The following ESRRG variants were observed in gnomAD, a reference collection of about 807,000 sequenced individuals.
ESRRG encodes the protein estrogen related receptor gamma.
Under a neutral mutation model 44.0 loss-of-function variants are expected in ESRRG, and 13 were observed. The ratio of observed to expected loss-of-function variants is 0.30; its 90% CI spans 0.19 to 0.47. The LOEUF is 0.47. Ranked by LOEUF, ESRRG falls within the 20% of genes least tolerant of loss-of-function variation. The probability of loss-of-function intolerance (pLI) is 1.00; values close to 1 mark genes in which losing one functional copy is unlikely to be tolerated. For synonymous variants in ESRRG, 215 were observed against 214.6 expected (o/e 1.00, Z -0.02); for missense variants, 395 against 580.6 (o/e 0.68, Z 3.29).
At chr1:216,943,016 C>A (rs1196491211) in intron 1 of ESRRG, among the ~76,000 whole-genome samples, 2 of 151,108 alleles carry the variant, frequency 1.3e-5, no homozygotes, top group African/African-American at 2.4e-5. Context: ...CTATCCTATG[C>A]CCAACTAATT....
At chr1:217,032,848 A>G (rs6688120) in intron 1 of ESRRG, among the ~76,000 whole-genome samples, 92,073 of 152,012 alleles carry the variant, frequency 0.61, 27,983 homozygotes, top group East Asian at 0.71. Flanking sequence ...ATGTTTCATC[A>G]GGGATGCTCT....
Position 216,803,692 on chromosome 1 carries a change from C to T in ESRRG, c.-13-126201G>A, listed in dbSNP as rs2094695438. On this transcript the variant is annotated intron_variant, in intron 2 of 7. Transcript: ENST00000359162. The stretch of plus-strand genomic sequence containing the variant: ...GGTCTTAGCTGTACTCACACAATCC[C>T]TGCAGCTCCGAGCCCTTCGTGTGAT... Among the ~76,000 whole-genome samples, 5 of 152,132 alleles carry T rather than the reference C, an allele frequency of 3.3e-5. No homozygotes were observed. In the South Asian group the frequency reaches 6.2e-4, roughly 19 times the overall value.
At chr1:216,909,191 C>G (rs991396177) in intron 2 of ESRRG, among the ~76,000 whole-genome samples, 39 of 152,130 alleles carry the variant, frequency 2.6e-4, no homozygotes, top group African/African-American at 9.2e-4. Context: ...TCACTGGGTG[C>G]CTTCAAATGT....
intron 1 of ESRRG, among the ~76,000 whole-genome samples, chr1:217,029,637 C>T (rs2081748601): frequency 6.6e-6 from 1 of 152,192 alleles, no homozygotes; most frequent in Non-Finnish European, 1.5e-5. Context: ...TTAACTACCG[C>T]CAGACCAATT....
At chr1:216,807,643 T>C (rs1352149082) in intron 2 of ESRRG, among the ~76,000 whole-genome samples, 1 of 152,062 alleles carries the variant, frequency 6.6e-6, no homozygotes, top group Non-Finnish European at 1.5e-5. Flanking sequence ...TCAGCTGTGT[T>C]AGACGGGAGA....
intron 2 of ESRRG, among the ~76,000 whole-genome samples, chr1:216,799,665 T>C (rs2094562875): frequency 6.6e-6 from 1 of 152,168 alleles, no homozygotes; most frequent in African/African-American, 2.4e-5. Flanking sequence ...CCAAGAACAC[T>C]GGCATATATA....
intron 2 of ESRRG, among the ~76,000 whole-genome samples, chr1:216,655,866 T>A (rs756209429): frequency 7.2e-5 from 11 of 152,202 alleles, no homozygotes; most frequent in Non-Finnish European, 1.6e-4. Context: ...CTTTGATCCA[T>A]GTTAGAGTCT....
upstream of ESRRG, among the ~76,000 whole-genome samples, chr1:216,723,764 A>G (rs1286147804): frequency 6.6e-6 from 1 of 152,122 alleles, no homozygotes; most frequent in Non-Finnish European, 1.5e-5. Context: ...AAGCTACAAA[A>G]GAAACATAAC....
At chr1:217,002,680 C>A (rs905807192) in intron 1 of ESRRG, among the ~76,000 whole-genome samples, 2 of 152,050 alleles carry the variant, frequency 1.3e-5, no homozygotes, top group Non-Finnish European at 2.9e-5. Flanking sequence ...ATAGCTTTTA[C>A]CTTGTTCTCT....
intron 5 of ESRRG, among the ~76,000 whole-genome samples, chr1:216,538,419 C>T (rs920554356): frequency 6.6e-6 from 1 of 151,914 alleles, no homozygotes; most frequent in Admixed American, 6.6e-5. Context: ...AGCATGGCCC[C>T]TAGAGCTCTT....
At chr1:217,051,554 C>T (rs1187434861) in intron 1 of ESRRG, among the ~76,000 whole-genome samples, 1 of 152,208 alleles carries the variant, frequency 6.6e-6, no homozygotes, top group Non-Finnish European at 1.5e-5. Context: ...ATGCACCCCA[C>T]TGGCATGGGC....
intron 1 of ESRRG, among the ~76,000 whole-genome samples, chr1:217,025,666 C>G (rs191666691): frequency 4.6e-5 from 7 of 152,134 alleles, no homozygotes; most frequent in East Asian, 1.9e-4. Context: ...TTGGCCAAAC[C>G]CTTATGGGTC....
intron 1 of ESRRG, among the ~76,000 whole-genome samples, chr1:217,124,737 G>A (rs775884284): frequency 2.0e-5 from 3 of 152,214 alleles, no homozygotes; most frequent in African/African-American, 4.8e-5. Flanking sequence ...GTAGCTCACT[G>A]AAAATGCCTG....
At chr1:216,699,748 C>T (rs1206272040) in intron 1 of ESRRG, among the ~76,000 whole-genome samples, 4 of 152,126 alleles carry the variant, frequency 2.6e-5, no homozygotes, top group South Asian at 4.1e-4. Context: ...AAACCTTCAA[C>T]ACCATGTGAG....
chr1:216,876,964 A>G (rs988676304), intron 2 of ESRRG, among the ~76,000 whole-genome samples: 3 of 143,350 alleles, frequency 2.1e-5, no homozygotes, highest in Non-Finnish European at 4.5e-5. Context: ...TGATTCGAGA[A>G]TCTCTTCACT....
chr1:216,571,085 T>C (rs1367812901), intron 3 of ESRRG, among the ~76,000 whole-genome samples: 2 of 152,134 alleles, frequency 1.3e-5, no homozygotes, highest in Non-Finnish European at 2.9e-5. Context: ...TCAAGTAGTT[T>C]AGCCAACTGG....
intron 3 of ESRRG, among the ~76,000 whole-genome samples, chr1:216,569,106 AAGG>A (rs1288896420): frequency 1.6e-5 from 2 of 122,786 alleles, no homozygotes; most frequent in Admixed American, 8.5e-5. Flanking sequence ...GGAAGGAAGG[AAGG>A]AAGAAGGAAG....
At chr1:216,600,496 T>A (rs2059055324) in intron 3 of ESRRG, among the ~76,000 whole-genome samples, 1 of 152,202 alleles carries the variant, frequency 6.6e-6, no homozygotes, top group Non-Finnish European at 1.5e-5. Context: ...GCTGTCAGCC[T>A]AAAAGTGCTG....
intron 1 of ESRRG, among the ~76,000 whole-genome samples, chr1:217,124,786 G>T (rs963621363): frequency 1.3e-5 from 2 of 152,122 alleles, no homozygotes; most frequent in Non-Finnish European, 2.9e-5. Context: ...ATAAAAGTAG[G>T]CAATACATAG....
Sources: gnomAD v4.1 joint callset for allele counts (sites outside exome capture counted in the v4.1 genomes callset) on GRCh38, gnomAD v4.1.1 for gene constraint, MANE v1.5 for transcripts, NCBI Gene and HGNC (gene_info 2026-07-23, HGNC 2026-07-21) for gene names.